The following PLEKHA4 variants were observed in gnomAD, a reference collection of about 807,000 sequenced individuals.
The protein encoded by PLEKHA4 is pleckstrin homology domain-containing family A member 4.
Under a neutral mutation model 94.7 loss-of-function variants are expected in PLEKHA4, and 73 were observed. That is an observed-to-expected ratio of 0.77 (90% CI 0.64 to 0.94). PLEKHA4 has a LOEUF of 0.94. Among genes scored for constraint, PLEKHA4 ranks in the 40% least tolerant of loss-of-function variants. The pLI is 0.00. For missense variants in PLEKHA4, 1,049 were observed against 1,054.1 expected (o/e 1.00, Z 0.07); for synonymous variants, 449 against 437.1 (o/e 1.03, Z -0.34).
At chr19:48,857,998 T>C (rs17206700) in intron 8 of PLEKHA4, among the ~76,000 whole-genome samples, 17,677 of 151,746 alleles carry the variant, frequency 0.12, 1,441 homozygotes, top group Non-Finnish European at 0.17. Flanking sequence ...ATAATTGAAG[T>C]GCTTTAGGAG....
chr19:48,838,761 C>T (rs529434055), intron 18 of PLEKHA4, among the ~76,000 whole-genome samples: 2 of 128,034 alleles, frequency 1.6e-5, no homozygotes, highest in East Asian at 2.0e-4. Flanking sequence ...AGCAAGACTC[C>T]GTCTCAAAAA....
intron 9 of PLEKHA4, among the ~76,000 whole-genome samples, chr19:48,855,200 C>A (rs779631875): frequency 6.6e-6 from 1 of 151,824 alleles, no homozygotes; most frequent in Non-Finnish European, 1.5e-5. Context: ...TGACTCACTC[C>A]TGTAATCCCA....
chr19:48,852,080 A>G (rs2036214708), intron 13 of PLEKHA4, 148 bp downstream of exon 13: 4 of 602,666 alleles, frequency 6.6e-6, no homozygotes, highest in Non-Finnish European at 1.2e-5. Flanking sequence ...TAACTAAAAT[A>G]AGGGGCTTAG....
Position 48,847,852 on chromosome 19 carries a change from C to CA in PLEKHA4, c.1566+47dup, listed in dbSNP as rs771934697. The stretch of plus-strand genomic sequence containing the variant: ...GGTGGGGAATAGACTGAGTCAAGGA[C>CA]AGGTGGGACATGAAGCTTGGGGTGG... On this transcript the variant is annotated intron_variant, in intron 14 of 19. Transcript: ENST00000263265. 32 of 1,516,288 alleles carry CA rather than the reference C, an allele frequency of 2.1e-5. No homozygotes were observed. In the South Asian group the frequency reaches 3.8e-4, roughly 18 times the overall value. The allele number at this position is 1,516,288 out of a possible 1,614,324, so 93.9% of individuals were successfully genotyped here. A position where few individuals can be genotyped will look rare whatever the true frequency, so the allele number is the denominator to read the frequency against.
At chr19:48,865,437 GGAGA>G in intron 3 of PLEKHA4, 62 bp downstream of exon 3, 1 of 1,221,668 alleles carries the variant, frequency 8.2e-7, no homozygotes, top group Non-Finnish European at 1.2e-6. Context: ...GGACTTGCAA[GGAGA>G]GAGACAGAGG....
At position 48,859,126 on chromosome 19, in the gene PLEKHA4, G is replaced by A. The variant is rs1204330940; in HGVS notation, c.706C>T (p.Leu236Phe). The change falls in exon 8 of 20, where the codon CTC becomes TTC. Residue 236 changes from leucine to phenylalanine, a missense_variant. Physicochemically the swap from Leu to Phe is conservative, Grantham distance 22. Coordinates refer to ENST00000263265, the MANE Select transcript of PLEKHA4 (RefSeq NM_020904.3). Reference sequence around the variant, plus strand: ...CTCAGAGGCGAGGGAGGGCGAGAGAGGGGGGTGAACAGGCTGTGGGAAGGA... The same window carrying A: ...CTCAGAGGCGAGGGAGGGCGAGAGAAGGGGGTGAACAGGCTGTGGGAAGGA... ...RARSPDLFTP[L>F]SRPPSPLSLP... 24 of 1,515,324 alleles carry A rather than the reference G, an allele frequency of 1.6e-5. No individual in the cohort carries two copies. Among genetic ancestry groups the A allele is most frequent in the Non-Finnish European group, 1.6e-5 (18 of 1,136,580 alleles). The allele number at this position is 1,515,324 out of a possible 1,614,324, so 93.9% of individuals were successfully genotyped here.
intron 16 of PLEKHA4, 176 bp downstream of exon 16, chr19:48,845,194 C>A: frequency 1.6e-6 from 1 of 633,206 alleles, no homozygotes; most frequent in South Asian, 2.1e-5. Context: ...ATAACTGACC[C>A]AAAGTCACAC....
In PLEKHA4 at chr19:48,837,640, C is replaced by A; in HGVS notation, c.2078-89G>T. 2.0e-6 allele frequency: 3 copies of A among 1,486,080 alleles called. No homozygotes were observed. Among genetic ancestry groups the A allele is most frequent in the Non-Finnish European group, 2.8e-6 (3 of 1,087,824 alleles). 92.1% of individuals were successfully genotyped at this position (1,486,080 alleles called of 1,614,324 possible). On this transcript the variant is annotated intron_variant, in intron 19 of 19. Coordinates refer to ENST00000263265, the MANE Select transcript of PLEKHA4 (RefSeq NM_020904.3). This position sits in a 1 kb window ranked among gnomAD's most constrained non-coding sequence, Gnocchi z 4.3. ...CCCTCCTCCCTCAGACCCAGGACTC[C>A]GGATTCCCAGCCCCTCCTCCATCAG...
rs1349876568 is a variant in PLEKHA4, at chr19:48,852,731, G to A, written c.1327-405C>T. ...GCGGATCACTTGAGGTCAGGAGTTC[G>A]AGACCACCCTGGCCAACATGGTGAA... is the stretch of plus-strand genomic sequence containing the variant. On this transcript the variant is annotated intron_variant, in intron 12 of 19. Transcript: ENST00000263265. Among the ~76,000 whole-genome samples the A allele has an allele frequency of 3.9e-5, 6 of 152,028 alleles. No individual in the cohort carries two copies. In the East Asian group the frequency reaches 5.8e-4, roughly 15 times the overall value.
At chr19:48,865,784 A>G (rs1325507505) in intron 2 of PLEKHA4, among the ~76,000 whole-genome samples, 174 bp from the exon 3 acceptor site, 2 of 152,030 alleles carry the variant, frequency 1.3e-5, no homozygotes, top group African/African-American at 4.8e-5. Flanking sequence ...GGAGGCTGAG[A>G]CGGGTGGATC....
At chr19:48,861,760 G>T (rs1046691140) in intron 3 of PLEKHA4, 68 bp from the exon 4 acceptor site, 3 of 1,355,982 alleles carry the variant, frequency 2.2e-6, no homozygotes, top group Middle Eastern at 1.8e-4. Flanking sequence ...AGGCAGTGAC[G>T]ATGGGGACAG....
At chr19:48,851,901 G>A (rs748966881) in intron 13 of PLEKHA4, among the ~76,000 whole-genome samples, 4 of 152,126 alleles carry the variant, frequency 2.6e-5, no homozygotes, top group East Asian at 1.9e-4. Flanking sequence ...CCAAGATTGC[G>A]CTACTGCACT....
chr19:48,845,000 A>G, intron 16 of PLEKHA4: 1 of 167,596 alleles, frequency 6.0e-6, no homozygotes, highest in South Asian at 1.4e-4. Flanking sequence ...CTTTTAGTAG[A>G]GACGGGGTTT....
intron 8 of PLEKHA4, among the ~76,000 whole-genome samples, chr19:48,858,354 G>A (rs2036501982): frequency 6.6e-6 from 1 of 152,108 alleles, no homozygotes; most frequent in African/African-American, 2.4e-5. Flanking sequence ...AGGCGCGGTG[G>A]CTCACGCCTG....
At chr19:48,852,174 C>G in intron 13 of PLEKHA4, 54 bp downstream of exon 13, 7 of 1,385,290 alleles carry the variant, frequency 5.1e-6, no homozygotes, top group Non-Finnish European at 7.2e-6. Context: ...AAAGGATTTC[C>G]AGGCAGAACT....
intron 16 of PLEKHA4, among the ~76,000 whole-genome samples, chr19:48,842,470 G>A (rs1430518399): frequency 1.3e-5 from 2 of 152,178 alleles, no homozygotes; most frequent in African/African-American, 4.8e-5. Context: ...TTTCTTCACA[G>A]CAGGCCAGAC....
intron 16 of PLEKHA4, chr19:48,844,703 C>G (rs2035900037): frequency 1.0e-6 from 1 of 955,606 alleles, no homozygotes; most frequent in Admixed American, 6.2e-5. Context: ...GCTTCCACAG[C>G]TTAAAGTCAA....
At chr19:48,853,886 G>A in intron 11 of PLEKHA4, 55 bp from the exon 12 acceptor site, 1 of 1,587,638 alleles carries the variant, frequency 6.3e-7, no homozygotes, top group Non-Finnish European at 8.6e-7. Context: ...GCCCCAAGAA[G>A]AAAGAAAAGA....
rs529345082 is a variant in PLEKHA4, at chr19:48,856,846, C to T, written c.1047+576G>A. 3.6e-3 allele frequency among the ~76,000 whole-genome samples: 503 copies of T among 141,324 alleles called. 2 individuals carry two copies. The highest frequency in any genetic ancestry group is 6.3e-3 in the South Asian group (28 of 4,468). The allele number at this position is 141,324 out of a possible 152,430, so 92.7% of individuals were successfully genotyped here. A position where few individuals can be genotyped will look rare whatever the true frequency, so the allele number is the denominator to read the frequency against. On this transcript the variant is annotated intron_variant, in intron 9 of 19. Coordinates refer to ENST00000263265, the MANE Select transcript of PLEKHA4 (RefSeq NM_020904.3). ...CCCGGGAGGCAGAGCTTGCAGTGAG[C>T]CGAGATCGCACCACTGCACTCCAGC...
Sources: gnomAD v4.1 joint callset for allele counts (sites outside exome capture counted in the v4.1 genomes callset) on GRCh38, gnomAD v4.1.1 for gene constraint, Gnocchi (gnomAD v3.1) non-coding constraint, MANE v1.5 for transcripts, NCBI Gene and HGNC (gene_info 2026-07-23, HGNC 2026-07-21) for gene names.